KIAA1549L: variants seen among roughly 807,000 people sequenced by gnomAD.
The protein encoded by KIAA1549L is UPF0606 protein KIAA1549L.
KIAA1549L carries 88 observed loss-of-function variants against 160.7 expected under a neutral mutation model. That is an observed-to-expected ratio of 0.55 (90% CI 0.46 to 0.65). KIAA1549L has a LOEUF of 0.65. Among genes scored for constraint, KIAA1549L ranks in the 30% least tolerant of loss-of-function variants. The pLI is 0.00. For missense variants in KIAA1549L, 2,258 were observed against 2,437.5 expected, an observed-to-expected ratio of 0.93 and a Z score of 1.55; for synonymous variants, 950 against 976.7, an observed-to-expected ratio of 0.97 and a Z score of 0.51.
intron 1 of KIAA1549L, among the ~76,000 whole-genome samples, chr11:33,441,561 C>T (rs1417056934): frequency 1.3e-5 from 2 of 151,990 alleles, no homozygotes; most frequent in African/African-American, 2.4e-5. Context: ...TCCTGTTTCT[C>T]CACATCCTCT....
chr11:33,542,139 T>A lies in KIAA1549L; in HGVS notation c.576T>A (p.Asp192Glu), dbSNP rs1363444479. ...CTAAAGGGGGACAAGAAGCAGCCGA[T>A]GTGTCAGGTTTGCCTCTCACCAGCA... ...PGPKGGQEAA[D>E]VSGLPLTSML... The change falls in exon 2 of 21, where the codon GAT becomes GAA. Residue 192 changes from aspartate to glutamate, a missense_variant. This residue lies in a region of KIAA1549L where 540 missense variants were observed against 465.7 expected (regional missense o/e 1.16). Coordinates refer to ENST00000658780, the MANE Select transcript of KIAA1549L (RefSeq NM_012194.3). 1.8e-6 allele frequency: 1 copy of A among 559,446 alleles called. No individual in the cohort carries two copies. The highest frequency in any genetic ancestry group is 1.5e-5 in the South Asian group (1 of 65,494). 34.7% of individuals were successfully genotyped at this position (559,446 alleles called of 1,614,324 possible). A position where few individuals can be genotyped will look rare whatever the true frequency, so the allele number is the denominator to read the frequency against.
intron 1 of KIAA1549L, among the ~76,000 whole-genome samples, chr11:33,540,788 C>G (rs921543880): frequency 1.3e-5 from 2 of 152,192 alleles, no homozygotes; most frequent in African/African-American, 4.8e-5. Context: ...CCCCAATGAT[C>G]CTGATCTGGT....
chr11:33,456,538 G>A (rs1851825698), intron 1 of KIAA1549L, among the ~76,000 whole-genome samples: 1 of 151,964 alleles, frequency 6.6e-6, no homozygotes, highest in Non-Finnish European at 1.5e-5. Context: ...AGCCTCCCTA[G>A]TAGCTGGGAC....
At chr11:33,380,559 A>G (rs1850053866) in intron 1 of KIAA1549L, among the ~76,000 whole-genome samples, 1 of 152,160 alleles carries the variant, frequency 6.6e-6, no homozygotes, top group South Asian at 2.1e-4. Flanking sequence ...CGCTTGATCC[A>G]GAGCTGAGTT....
chr11:33,618,418 T>C, intron 15 of KIAA1549L, 115 bp from the exon 16 acceptor site: 1 of 881,708 alleles, frequency 1.1e-6, no homozygotes, highest in Non-Finnish European at 1.7e-6. Context: ...CCATCAATTC[T>C]GAGATTTGTG....
At position 33,670,995 on chromosome 11, in the gene KIAA1549L, AAAGAT is replaced by A. The variant is rs1852656815; in HGVS notation, c.*2845_*2849del. 6.6e-6 allele frequency: 1 copy of A among 152,246 alleles called. No homozygotes were observed. The highest frequency in any genetic ancestry group is 1.5e-5 in the Non-Finnish European group (1 of 68,054). 9.4% of individuals were successfully genotyped at this position (152,246 alleles called of 1,614,324 possible). A position where few individuals can be genotyped will look rare whatever the true frequency, so the allele number is the denominator to read the frequency against. On this transcript the variant is annotated 3_prime_UTR_variant, in exon 21 of 21. Transcript: ENST00000658780. ...TTAGCTGTGCCTAGAGGTTTAAAAA[AAAGAT>A]AAGGGTCATATGAAGAACTCCATAA... is the stretch of plus-strand genomic sequence containing the variant.
chr11:33,460,226 A>G (rs1851915195), intron 1 of KIAA1549L, among the ~76,000 whole-genome samples: 1 of 152,106 alleles, frequency 6.6e-6, no homozygotes. Flanking sequence ...CCTTGGCTTC[A>G]CTGGAATGGA....
intron 5 of KIAA1549L, among the ~76,000 whole-genome samples, chr11:33,551,710 A>C (rs1365637771): frequency 6.6e-6 from 1 of 152,146 alleles, no homozygotes; most frequent in African/African-American, 2.4e-5. Flanking sequence ...TTTGTAACCT[A>C]CAAGAGTGGA....
chr11:33,504,564 C>T (rs979920500), intron 1 of KIAA1549L, among the ~76,000 whole-genome samples: 2 of 151,902 alleles, frequency 1.3e-5, no homozygotes, highest in Middle Eastern at 3.2e-3. Context: ...GCCTCCCAGG[C>T]TTAAGCGATT....
chr11:33,604,590 A>G (rs1850448915), intron 13 of KIAA1549L, among the ~76,000 whole-genome samples: 1 of 152,248 alleles, frequency 6.6e-6, no homozygotes, highest in Non-Finnish European at 1.5e-5. Context: ...AAAATGTAGT[A>G]TATATACACC....
chr11:33,600,863 A>G (rs1277524669), intron 13 of KIAA1549L, among the ~76,000 whole-genome samples: 2 of 152,108 alleles, frequency 1.3e-5, no homozygotes, highest in Admixed American at 1.3e-4. Context: ...CACATTTGCA[A>G]AGTGATGTCT....
chr11:33,416,835 T>C (rs1435656307), intron 1 of KIAA1549L, among the ~76,000 whole-genome samples: 1 of 152,200 alleles, frequency 6.6e-6, no homozygotes, highest in Non-Finnish European at 1.5e-5. Flanking sequence ...ATTTTCAGTA[T>C]ATTTTGGTTT....
At chr11:33,556,625 C>A (rs1441092291) in intron 6 of KIAA1549L, among the ~76,000 whole-genome samples, 1 of 152,170 alleles carries the variant, frequency 6.6e-6, no homozygotes, top group Non-Finnish European at 1.5e-5. Flanking sequence ...TATGATTTCT[C>A]TTATAAAAGA....
At chr11:33,624,542 G>T (rs761429983) in intron 16 of KIAA1549L, among the ~76,000 whole-genome samples, 1 of 152,076 alleles carries the variant, frequency 6.6e-6, no homozygotes, top group Non-Finnish European at 1.5e-5. Flanking sequence ...CTTAATGTAT[G>T]TAAATTCAGT....
chr11:33,577,018 C>T (rs1390444352), intron 10 of KIAA1549L, among the ~76,000 whole-genome samples: 1 of 152,086 alleles, frequency 6.6e-6, no homozygotes, highest in Non-Finnish European at 1.5e-5. Flanking sequence ...AAACTGAGCC[C>T]TGGGGAATCC....
intron 1 of KIAA1549L, among the ~76,000 whole-genome samples, chr11:33,401,339 G>T (rs1850497399): frequency 6.8e-6 from 1 of 147,070 alleles, no homozygotes; most frequent in Admixed American, 6.8e-5. Context: ...TGAAGGTGTT[G>T]GTCAGAACAT....
intron 17 of KIAA1549L, among the ~76,000 whole-genome samples, chr11:33,651,119 T>C (rs1047662988): frequency 6.6e-6 from 1 of 152,230 alleles, no homozygotes; most frequent in African/African-American, 2.4e-5. Context: ...GTTTATGGCA[T>C]CAAACTGAGT....
At chr11:33,493,889 G>A (rs1014608733) in intron 1 of KIAA1549L, among the ~76,000 whole-genome samples, 3 of 152,194 alleles carry the variant, frequency 2.0e-5, no homozygotes, top group Non-Finnish European at 4.4e-5. Flanking sequence ...TGATTGGAGT[G>A]CAGTCATTGT....
chr11:33,504,566 T>G (rs925328574), intron 1 of KIAA1549L, among the ~76,000 whole-genome samples: 4 of 151,914 alleles, frequency 2.6e-5, no homozygotes, highest in Admixed American at 2.6e-4. Context: ...CTCCCAGGCT[T>G]AAGCGATTCT....
Sources: allele counts gnomAD v4.1 joint callset (sites outside exome capture counted in the v4.1 genomes callset), GRCh38; gene constraint gnomAD v4.1.1; regional missense constraint gnomAD v4.1.1; transcripts MANE v1.5; gene names NCBI Gene and HGNC (gene_info 2026-07-23, HGNC 2026-07-21).